The following DRG1 variants were observed in gnomAD, a reference collection of about 807,000 sequenced individuals.
DRG1 encodes developmentally-regulated GTP-binding protein 1.
A neutral mutation model predicts 38.8 loss-of-function variants in DRG1; 19 were observed. The observed-to-expected ratio is 0.49, with a 90% CI of 0.34 to 0.72. DRG1 has a LOEUF of 0.72. Among genes scored for constraint, DRG1 ranks in the 30% least tolerant of loss-of-function variants. The pLI is 0.01. For synonymous variants in DRG1, 167 were observed against 157.5 expected, an observed-to-expected ratio of 1.06 and a Z score of -0.45; for missense variants, 299 against 444.8, an observed-to-expected ratio of 0.67 and a Z score of 2.95.
chr22:31,423,161 T>G, intron 5 of DRG1, 119 bp from the exon 6 acceptor site: 2 of 1,231,492 alleles, frequency 1.6e-6, no homozygotes, highest in Non-Finnish European at 2.3e-6. Context: ...TCATCCCGGA[T>G]GTATTTAGTA....
At position 31,400,609 on chromosome 22, in the gene DRG1, C is replaced by T. The variant is rs752869489; in HGVS notation, c.43-11C>T. 11 of 1,610,672 alleles carry T rather than the reference C, an allele frequency of 6.8e-6. No homozygotes were observed. Among genetic ancestry groups the T allele is most frequent in the South Asian group, 3.3e-5 (3 of 90,752 alleles). On this transcript the variant is annotated splice_polypyrimidine_tract_variant and intron_variant, in intron 1 of 8. Transcript: ENST00000331457. ...TGCTTCTAATTTATGGCTGTGATTC[C>T]TCCCTTTTAGATGGCTCGGACTCAA...
chr22:31,413,457 T>A (rs1463213944), intron 4 of DRG1, among the ~76,000 whole-genome samples: 1 of 152,042 alleles, frequency 6.6e-6, no homozygotes, highest in African/African-American at 2.4e-5. Flanking sequence ...TTCTCAGCAT[T>A]GTCTTCTAAT....
At position 31,427,230 on chromosome 22, in the gene DRG1, A is replaced by G. The variant is rs777752293; in HGVS notation, c.1004+48A>G. On this transcript the variant is annotated intron_variant, in intron 8 of 8. Transcript: ENST00000331457. ...CCCTCCTTTTTCCTATGAGTTACCA[A>G]TTTTACTAACTAGTAATTCTTAGGA... is the stretch of plus-strand genomic sequence containing the variant. 17 of 1,597,718 alleles carry G rather than the reference A, an allele frequency of 1.1e-5. No homozygotes were observed. In the South Asian group the frequency reaches 1.2e-4, roughly 12 times the overall value.
At chr22:31,427,223 G>A in intron 8 of DRG1, 41 bp downstream of exon 8, 2 of 1,602,208 alleles carry the variant, frequency 1.2e-6, no homozygotes, top group South Asian at 1.1e-5. Flanking sequence ...TTTCCTATGA[G>A]TTACCAATTT....
intron 4 of DRG1, among the ~76,000 whole-genome samples, chr22:31,420,008 A>C (rs974647333): frequency 8.5e-5 from 13 of 152,150 alleles, no homozygotes; most frequent in Non-Finnish European, 1.6e-4. Context: ...GTGCCACTGC[A>C]CTCCAGCCTG....
At chr22:31,430,180 A>C (rs1569052446) in intron 8 of DRG1, among the ~76,000 whole-genome samples, 1 of 152,194 alleles carries the variant, frequency 6.6e-6, no homozygotes, top group Non-Finnish European at 1.5e-5. Flanking sequence ...GGTGCTAAGC[A>C]TGCTCATTGT....
chr22:31,405,431 GGTGGGATTATA>G (rs1347645643), intron 3 of DRG1, among the ~76,000 whole-genome samples: 3 of 152,056 alleles, frequency 2.0e-5, no homozygotes, highest in African/African-American at 7.2e-5. Context: ...CTCTTAAAGT[GGTGGGATTATA>G]GGCTTGAGCC....
At chr22:31,426,461 T>G in intron 6 of DRG1, 154 bp from the exon 7 acceptor site, 2 of 626,908 alleles carry the variant, frequency 3.2e-6, no homozygotes, top group Non-Finnish European at 2.7e-6. Context: ...ATAGTTCACT[T>G]TTTCTTTTTC....
chr22:31,428,406 G>A (rs889027080), intron 8 of DRG1, among the ~76,000 whole-genome samples: 3 of 151,558 alleles, frequency 2.0e-5, no homozygotes, highest in African/African-American at 4.8e-5. Context: ...GTAGAGATGG[G>A]GTTTCACCGT....
Position 31,427,045 on chromosome 22 carries a change from C to T in DRG1, c.882-15C>T, listed in dbSNP as rs1164981179. The T allele has an allele frequency of 6.2e-7, 1 of 1,613,240 alleles. No individual in the cohort carries two copies. The highest frequency in any genetic ancestry group is 8.5e-7 in the Non-Finnish European group (1 of 1,179,656). On this transcript the variant is annotated splice_polypyrimidine_tract_variant and intron_variant, in intron 7 of 8. Transcript: ENST00000331457. ...GTCTAAGAAGGCAGTAATCTTTATG[C>T]CCTCTCTATTCTAGTTACACCAAAC...
intron 8 of DRG1, among the ~76,000 whole-genome samples, chr22:31,427,974 C>T (rs185232530): frequency 1.8e-4 from 28 of 152,076 alleles, no homozygotes; most frequent in Non-Finnish European, 3.1e-4. Context: ...TGACCTCAGC[C>T]CCCCAAAGTG....
chr22:31,409,729 C>T (rs1408949045), intron 3 of DRG1, among the ~76,000 whole-genome samples: 1 of 152,138 alleles, frequency 6.6e-6, no homozygotes, highest in African/African-American at 2.4e-5. Context: ...CATGGTGGCT[C>T]ACTCCTGTAA....
chr22:31,416,447 C>T (rs1392610229), intron 4 of DRG1, among the ~76,000 whole-genome samples: 2 of 152,146 alleles, frequency 1.3e-5, no homozygotes, highest in Non-Finnish European at 2.9e-5. Flanking sequence ...TCACTTCAGT[C>T]ACTGGGCTTA....
intron 8 of DRG1, among the ~76,000 whole-genome samples, chr22:31,428,553 C>T (rs2050123455): frequency 1.3e-5 from 2 of 152,238 alleles, no homozygotes; most frequent in Non-Finnish European, 2.9e-5. Flanking sequence ...CTAATGTTAA[C>T]AGCTCACATT....
intron 6 of DRG1, 112 bp from the exon 7 acceptor site, chr22:31,426,501 TAC>T (rs2050111341): frequency 1.2e-6 from 1 of 847,870 alleles, no homozygotes; most frequent in East Asian, 2.5e-5. Flanking sequence ...ATCTGCTACT[TAC>T]AGTCCCTCTT....
intron 6 of DRG1, among the ~76,000 whole-genome samples, chr22:31,425,441 T>TG (rs1491464623): frequency 7.6e-5 from 6 of 79,444 alleles, no homozygotes; most frequent in Non-Finnish European, 9.6e-5. Context: ...GATACATTAC[T>TG]TTTTTTTTTT....
At chr22:31,431,207 TG>T (rs1157022326) in intron 8 of DRG1, among the ~76,000 whole-genome samples, 4 of 151,828 alleles carry the variant, frequency 2.6e-5, no homozygotes, top group Non-Finnish European at 5.9e-5. Context: ...GCTAATTTTT[TG>T]TATTTTTAGT....
intron 4 of DRG1, among the ~76,000 whole-genome samples, chr22:31,411,943 C>T (rs773835880): frequency 5.3e-5 from 8 of 151,780 alleles, no homozygotes; most frequent in Non-Finnish European, 8.8e-5. Flanking sequence ...ATAGTTAGAA[C>T]TTTTTTTTGT....
In DRG1 at chr22:31,416,748, T is replaced by C. The variant is rs150691681; in HGVS notation, c.413-3508T>C. ...TGAAACCGCGTGTCTATTAAAAATA[T>C]AAAAATTAGCTGGGCATGGTGGCGT... On this transcript the variant is annotated intron_variant, in intron 4 of 8. Transcript: ENST00000331457. Among the ~76,000 whole-genome samples, 89 of 151,254 alleles carry C rather than the reference T, an allele frequency of 5.9e-4. 2 individuals carry two copies. In the East Asian group the frequency reaches 0.017, roughly 28 times the overall value.
Sources: gnomAD v4.1 joint callset for allele counts (sites outside exome capture counted in the v4.1 genomes callset) on GRCh38, gnomAD v4.1.1 for gene constraint, MANE v1.5 for transcripts, NCBI Gene and HGNC (gene_info 2026-07-23, HGNC 2026-07-21) for gene names.